DTWD2: variants seen among roughly 807,000 people sequenced by gnomAD.
DTWD2 encodes the protein tRNA-uridine aminocarboxypropyltransferase 2.
Under a neutral mutation model 31.8 loss-of-function variants are expected in DTWD2, and 39 were observed. That is an observed-to-expected ratio of 1.22 (90% CI 0.95 to 1.60). The LOEUF (loss-of-function observed/expected upper bound fraction) is 1.60, where lower values mean the gene tolerates loss of function less well. Among genes scored for constraint, DTWD2 ranks in the 40% most tolerant of loss-of-function variants. The pLI, the probability that DTWD2 is intolerant of heterozygous loss-of-function variation, is 0.00. For missense variants in DTWD2, 515 were observed against 381.5 expected, an observed-to-expected ratio of 1.35 and a Z score of -2.92; for synonymous variants, 180 against 142.8, an observed-to-expected ratio of 1.26 and a Z score of -1.86.
chr5:118,969,965 C>T (rs56333791), intron 1 of DTWD2, among the ~76,000 whole-genome samples: 104,771 of 152,074 alleles, frequency 0.69, 36,552 homozygotes, highest in East Asian at 0.99. Flanking sequence ...ATAATGAGAA[C>T]AGCCAGTTTA....
intron 4 of DTWD2, among the ~76,000 whole-genome samples, chr5:118,859,441 T>C (rs571989243): frequency 7.2e-5 from 11 of 152,340 alleles, no homozygotes; most frequent in South Asian, 6.2e-4. Context: ...ATGTTGCATA[T>C]AGTATACATT....
At chr5:118,968,018 A>G (rs906508202) in intron 1 of DTWD2, among the ~76,000 whole-genome samples, 3 of 152,206 alleles carry the variant, frequency 2.0e-5, no homozygotes, top group Admixed American at 2.0e-4. Flanking sequence ...ATGCATATTG[A>G]TATCATGTAC....
chr5:118,844,784 T>C (rs902982391), intron 5 of DTWD2, among the ~76,000 whole-genome samples: 4 of 152,208 alleles, frequency 2.6e-5, no homozygotes, highest in African/African-American at 7.2e-5. Context: ...AGCTATTCTG[T>C]GCCAAGTTCT....
chr5:118,976,486 A>G (rs561961830), intron 1 of DTWD2, among the ~76,000 whole-genome samples: 1 of 152,350 alleles, frequency 6.6e-6, no homozygotes, highest in Admixed American at 6.5e-5. Context: ...AAATAGACAC[A>G]GTAAAAGATG....
chr5:118,848,168 C>G lies in DTWD2; in HGVS notation c.648G>C (p.Pro216=). 1.2e-6 allele frequency: 2 copies of G among 1,606,596 alleles called. No homozygotes were observed. Among genetic ancestry groups the G allele is most frequent in the Non-Finnish European group, 1.7e-6 (2 of 1,176,774 alleles). Residue 216 remains proline (P), a synonymous_variant, in exon 5 of 6, where the codon CCG becomes CCC. Transcript: ENST00000510708. The part of the protein sequence containing the change: ...ISSQYVIRMQ[P]TNRCLSTLEC... ...CCAGTGTAGAAAGGCATCTATTAGT[C>G]GGCTGCATCCGAATTACATACTGAC...
At chr5:118,856,471 C>G (rs1752136466) in intron 4 of DTWD2, among the ~76,000 whole-genome samples, 1 of 152,106 alleles carries the variant, frequency 6.6e-6, no homozygotes, top group South Asian at 2.1e-4. Context: ...CTATCTTGGT[C>G]TAGAAGTACA....
chr5:118,859,549 A>G (rs1323784433), intron 4 of DTWD2, among the ~76,000 whole-genome samples: 7 of 152,144 alleles, frequency 4.6e-5, no homozygotes, highest in Non-Finnish European at 1.0e-4. Context: ...GCCTTTTGCT[A>G]TAATATCATT....
intron 1 of DTWD2, among the ~76,000 whole-genome samples, chr5:118,976,588 A>C (rs112468534): frequency 0.016 from 2,458 of 152,328 alleles, 60 homozygotes; most frequent in African/African-American, 0.04. Flanking sequence ...TAGAAAATCT[A>C]GAAGAAATGG....
At chr5:118,911,422 T>C (rs1249458473) in intron 4 of DTWD2, among the ~76,000 whole-genome samples, 1 of 152,184 alleles carries the variant, frequency 6.6e-6, no homozygotes, top group Non-Finnish European at 1.5e-5. Flanking sequence ...AGTAAATTGG[T>C]ATAGTGTATG....
At chr5:118,964,591 C>T (rs935880456) in intron 1 of DTWD2, among the ~76,000 whole-genome samples, 8 of 152,226 alleles carry the variant, frequency 5.3e-5, no homozygotes, top group Non-Finnish European at 8.8e-5. Flanking sequence ...AGGCGCGTGC[C>T]GCCACGCCTG....
chr5:118,895,607 A>C (rs1753068274), intron 4 of DTWD2, among the ~76,000 whole-genome samples: 1 of 152,216 alleles, frequency 6.6e-6, no homozygotes, highest in Non-Finnish European at 1.5e-5. Context: ...TCTGATTCCA[A>C]ATTACACTAT....
chr5:118,937,927 A>G (rs1488962548), intron 3 of DTWD2, among the ~76,000 whole-genome samples: 4 of 151,464 alleles, frequency 2.6e-5, no homozygotes, highest in Non-Finnish European at 4.4e-5. Flanking sequence ...TATTCTCAAT[A>G]TTACTGAACG....
At chr5:118,916,996 T>C (rs1411286343) in intron 4 of DTWD2, among the ~76,000 whole-genome samples, 1 of 152,150 alleles carries the variant, frequency 6.6e-6, no homozygotes, top group Non-Finnish European at 1.5e-5. Flanking sequence ...TCTATGGAAA[T>C]TGAGTTTCCT....
chr5:118,862,489 T>C (rs1329693061), intron 4 of DTWD2, among the ~76,000 whole-genome samples: 1 of 152,202 alleles, frequency 6.6e-6, no homozygotes, highest in Non-Finnish European at 1.5e-5. Context: ...TTTATTGTCT[T>C]TGTTTATACA....
chr5:118,851,417 A>G lies in DTWD2; in HGVS notation c.598-3199T>C, dbSNP rs181372462. Among the ~76,000 whole-genome samples the G allele has an allele frequency of 4.2e-3, 638 of 152,148 alleles. 8 individuals carry two copies. The highest frequency in any genetic ancestry group is 0.029 in the East Asian group (152 of 5,180). ...TAGGACCGTGATGCCCACCTGAGTC[A>G]CAAAACCAGCAAGTTTTATTAAGGA... On this transcript the variant is annotated intron_variant, in intron 4 of 5. Transcript: ENST00000510708.
At chr5:118,909,318 G>A (rs1179369233) in intron 4 of DTWD2, among the ~76,000 whole-genome samples, 1 of 152,142 alleles carries the variant, frequency 6.6e-6, no homozygotes, top group Non-Finnish European at 1.5e-5. Flanking sequence ...CCACAGTTGT[G>A]AGCACTGAGG....
intron 4 of DTWD2, among the ~76,000 whole-genome samples, chr5:118,884,723 G>C (rs1451997856): frequency 6.6e-6 from 1 of 152,080 alleles, no homozygotes; most frequent in Non-Finnish European, 1.5e-5. Flanking sequence ...CTTCCAGGTT[G>C]GGGCTGGGCG....
chr5:118,946,197 T>C (rs1754335256), intron 1 of DTWD2, among the ~76,000 whole-genome samples: 1 of 152,222 alleles, frequency 6.6e-6, no homozygotes, highest in African/African-American at 2.4e-5. Flanking sequence ...GAACCTGGAA[T>C]GTAAGTTTAA....
intron 1 of DTWD2, among the ~76,000 whole-genome samples, chr5:118,951,484 C>G (rs1754464191): frequency 6.6e-6 from 1 of 152,146 alleles, no homozygotes; most frequent in Non-Finnish European, 1.5e-5. Context: ...CGTCAGGCAC[C>G]TCAGACCATT....
Sources: gnomAD v4.1 joint callset for allele counts (sites outside exome capture counted in the v4.1 genomes callset) on GRCh38, gnomAD v4.1.1 for gene constraint, MANE v1.5 for transcripts, NCBI Gene and HGNC (gene_info 2026-07-23, HGNC 2026-07-21) for gene names.